Variants in FAM107A observed in about 807,000 individuals in gnomAD.
FAM107A encodes the protein family with sequence similarity 107 member A.
A neutral mutation model predicts 13.7 loss-of-function variants in FAM107A; 19 were observed. That is an observed-to-expected ratio of 1.38 (90% CI 0.97 to 2.03). FAM107A has a LOEUF of 2.03. Among genes scored for constraint, FAM107A ranks in the 30% most tolerant of loss-of-function variants. FAM107A has a pLI of 0.00. For missense variants in FAM107A, 203 were observed against 184.4 expected (o/e 1.10, Z -0.58); for synonymous variants, 82 against 74.5 (o/e 1.10, Z -0.52).
At chr3:58,605,560 A>C (rs2065786741) in intron 1 of FAM107A, among the ~76,000 whole-genome samples, 1 of 152,182 alleles carries the variant, frequency 6.6e-6, no homozygotes, top group African/African-American at 2.4e-5. Context: ...TGAGGGGCTC[A>C]CCTTGTAAGT....
chr3:58,593,368 A>G (rs2065670179), intron 1 of FAM107A, among the ~76,000 whole-genome samples: 1 of 152,122 alleles, frequency 6.6e-6, no homozygotes, highest in Non-Finnish European at 1.5e-5. Context: ...CATCCCTACT[A>G]TCTGCTGTCT....
chr3:58,583,492 G>C (rs190579272), intron 1 of FAM107A, among the ~76,000 whole-genome samples: 1 of 152,030 alleles, frequency 6.6e-6, no homozygotes, highest in Admixed American at 6.6e-5. Flanking sequence ...CGTGGTGGCG[G>C]GAGCCTGTAA....
At chr3:58,619,336 A>G (rs1388777072) in intron 1 of FAM107A, among the ~76,000 whole-genome samples, 1 of 152,130 alleles carries the variant, frequency 6.6e-6, no homozygotes, top group Non-Finnish European at 1.5e-5. Context: ...AGAGGATGGC[A>G]TGGCAGGGTA....
intron 1 of FAM107A, among the ~76,000 whole-genome samples, chr3:58,599,477 G>A (rs753390215): frequency 6.6e-6 from 1 of 152,124 alleles, no homozygotes; most frequent in Non-Finnish European, 1.5e-5. Context: ...CTTCAGCAAG[G>A]CTTTATGTTA....
chr3:58,577,965 C>T (rs1292403498), upstream of FAM107A, among the ~76,000 whole-genome samples: 1 of 151,972 alleles, frequency 6.6e-6, no homozygotes, highest in Non-Finnish European at 1.5e-5. This position sits in a 1 kb window ranked among gnomAD's most constrained non-coding sequence, Gnocchi z 4.9. Flanking sequence ...AGGGGATGCA[C>T]CGTGTCTGGG....
upstream of FAM107A, among the ~76,000 whole-genome samples, chr3:58,590,241 C>G (rs1259192067): frequency 6.6e-6 from 1 of 152,192 alleles, no homozygotes; most frequent in Non-Finnish European, 1.5e-5. Flanking sequence ...CCCCTGTCTC[C>G]CAGATCTCAG....
At chr3:58,594,779 G>T (rs1243424125) in intron 1 of FAM107A, among the ~76,000 whole-genome samples, 1 of 152,154 alleles carries the variant, frequency 6.6e-6, no homozygotes, top group Non-Finnish European at 1.5e-5. Context: ...ATTTTCAAAT[G>T]AAGAGTGTTG....
chr3:58,605,949 T>C (rs2065790756), intron 1 of FAM107A, among the ~76,000 whole-genome samples: 1 of 152,240 alleles, frequency 6.6e-6, no homozygotes, highest in African/African-American at 2.4e-5. Context: ...TCACTGTCAC[T>C]ATCACCAAGG....
At chr3:58,610,504 C>T (rs2065843272) in intron 1 of FAM107A, among the ~76,000 whole-genome samples, 1 of 152,224 alleles carries the variant, frequency 6.6e-6, no homozygotes, top group Non-Finnish European at 1.5e-5. Context: ...TGGTATAGAT[C>T]TCTACCCTGA....
In FAM107A at chr3:58,577,177, T is replaced by C. The variant is rs1575443107; in HGVS notation, c.-6+132A>G. ...TATGGATGCTGGGACATAGCCCGGG[T>C]ACCTAAACTCAAAGCACTCAGGTCC... On this transcript the variant is annotated intron_variant, in intron 1 of 3. Coordinates refer to ENST00000360997, the MANE Select transcript of FAM107A (RefSeq NM_001076778.3). The surrounding 1 kb of genome is among the most constrained non-coding windows in gnomAD (Gnocchi z 4.9). The C allele has an allele frequency of 4.4e-6, 1 of 225,434 alleles. No individual in the cohort carries two copies. The highest frequency in any genetic ancestry group is 7.4e-6 in the Non-Finnish European group (1 of 135,008). The allele number at this position is 225,434 out of a possible 1,614,324, so 14.0% of individuals were successfully genotyped here.
upstream of FAM107A, chr3:58,577,631 A>G (rs568387907): frequency 4.1e-6 from 4 of 985,428 alleles, no homozygotes; most frequent in South Asian, 1.4e-4. The surrounding 1 kb of genome is among the most constrained non-coding windows in gnomAD (Gnocchi z 4.9). Context: ...GATGAGGAAT[A>G]AGAAACACGC....
In FAM107A at chr3:58,565,495, G is replaced by A. The variant is rs1253447743; in HGVS notation, c.*1093C>T. The A allele has an allele frequency of 8.0e-6, 1 of 125,516 alleles. No homozygotes were observed. Among genetic ancestry groups the A allele is most frequent in the African/African-American group, 3.0e-5 (1 of 32,960 alleles). The allele number at this position is 125,516 out of a possible 1,614,324, so 7.8% of individuals were successfully genotyped here. On this transcript the variant is annotated 3_prime_UTR_variant, in exon 4 of 4. Coordinates refer to ENST00000360997, the MANE Select transcript of FAM107A (RefSeq NM_001076778.3). ...TGCATCGTAACAGTGTGGTCACACT[G>A]GTAAGAAATGCAGATTGGCAATCAT... is the stretch of plus-strand genomic sequence containing the variant.
At chr3:58,586,117 C>T (rs1021365846) in intron 1 of FAM107A, among the ~76,000 whole-genome samples, 1 of 146,510 alleles carries the variant, frequency 6.8e-6, no homozygotes, top group African/African-American at 2.5e-5. Flanking sequence ...CCTCACTGGA[C>T]AGCAGACCTC....
chr3:58,585,711 A>C (rs1266802587), intron 1 of FAM107A, among the ~76,000 whole-genome samples: 4 of 152,218 alleles, frequency 2.6e-5, no homozygotes, highest in Non-Finnish European at 5.9e-5. Context: ...TCCACAGTGC[A>C]GGACCCCAGC....
chr3:58,582,406 C>T (rs933734270), upstream of FAM107A, among the ~76,000 whole-genome samples: 5 of 152,154 alleles, frequency 3.3e-5, no homozygotes, highest in African/African-American at 1.2e-4. Flanking sequence ...GCCTTTTTGT[C>T]CATAGTGCAG....
intron 1 of FAM107A, chr3:58,609,325 A>G (rs1254916364): frequency 2.6e-5 from 4 of 152,230 alleles, no homozygotes; most frequent in Non-Finnish European, 4.4e-5. Context: ...AATTAATTGT[A>G]GACAATGTAG....
upstream of FAM107A, among the ~76,000 whole-genome samples, chr3:58,590,759 C>G (rs1399553397): frequency 1.3e-5 from 2 of 152,184 alleles, no homozygotes; most frequent in Non-Finnish European, 2.9e-5. Flanking sequence ...AATCACCTCC[C>G]ACTAGGTCCC....
At chr3:58,608,051 C>A (rs2065812867) in intron 1 of FAM107A, 1 of 152,172 alleles carries the variant, frequency 6.6e-6, no homozygotes, top group African/African-American at 2.4e-5. Flanking sequence ...ACCAAACCAA[C>A]AGACTTTGAA....
rs1025829505 is a variant in FAM107A at position 58,617,529 on chromosome 3, C to T, written c.-70+9887G>A. On this transcript the variant is annotated intron_variant, in intron 1 of 3. Transcript: ENST00000465970. The surrounding 1 kb of genome is among the most constrained non-coding windows in gnomAD (Gnocchi z 4.5). ...CAGCTCCTCGCCTTTCTCTCCGCCC[C>T]AGGCCCTGAGATCTGATCTCTTACT... is the stretch of plus-strand genomic sequence containing the variant. Among the ~76,000 whole-genome samples the T allele has an allele frequency of 6.6e-6, 1 of 152,114 alleles. No individual in the cohort carries two copies. The highest frequency in any genetic ancestry group is 1.5e-5 in the Non-Finnish European group (1 of 68,024).
Sources: gnomAD v4.1 joint callset for allele counts (sites outside exome capture counted in the v4.1 genomes callset) on GRCh38, gnomAD v4.1.1 for gene constraint, Gnocchi (gnomAD v3.1) non-coding constraint, MANE v1.5 for transcripts, NCBI Gene and HGNC (gene_info 2026-07-23, HGNC 2026-07-21) for gene names.